Variants in NF1 observed in about 807,000 individuals in gnomAD.
NF1 encodes the protein neurofibromin.
A neutral mutation model predicts 325.7 loss-of-function variants in NF1; 122 were observed. The ratio of observed to expected loss-of-function variants is 0.37; its 90% CI spans 0.32 to 0.44. The LOEUF is 0.44. NF1 is among the 20% of genes least tolerant of loss of function. The probability of loss-of-function intolerance (pLI) is 1.00; values close to 1 mark genes in which losing one functional copy is unlikely to be tolerated. For missense variants in NF1, 2,140 were observed against 3,415.4 expected, an observed-to-expected ratio of 0.63 and a Z score of 9.31; for synonymous variants, 1,091 against 1,186.0, an observed-to-expected ratio of 0.92 and a Z score of 1.65.
chr17:31,275,204 C>T (rs948873141), intron 36 of NF1, among the ~76,000 whole-genome samples: 1 of 152,200 alleles, frequency 6.6e-6, no homozygotes, highest in African/African-American at 2.4e-5. Flanking sequence ...CCCTCTTATC[C>T]TAAGTTTCAC....
intron 8 of NF1, among the ~76,000 whole-genome samples, chr17:31,185,878 T>A (rs891303350): frequency 6.6e-6 from 1 of 152,164 alleles, no homozygotes; most frequent in Non-Finnish European, 1.5e-5. Context: ...CAGGCCCCCA[T>A]AGGTAAATCA....
intron 36 of NF1, chr17:31,318,357 C>A: frequency 6.2e-7 from 1 of 1,612,772 alleles, no homozygotes; most frequent in Non-Finnish European, 8.5e-7. Flanking sequence ...CTTTTCTTTC[C>A]CTTGTAGCTG....
chr17:31,233,661 A>G (rs2067152930), intron 27 of NF1, among the ~76,000 whole-genome samples: 1 of 152,192 alleles, frequency 6.6e-6, no homozygotes, highest in Non-Finnish European at 1.5e-5. Flanking sequence ...TATTTTAAAA[A>G]CTGAAAGCGT....
intron 36 of NF1, among the ~76,000 whole-genome samples, chr17:31,275,952 G>A (rs2151480156): frequency 6.6e-6 from 1 of 152,288 alleles, no homozygotes; most frequent in Middle Eastern, 3.4e-3. Context: ...GCTCATGCCT[G>A]TAATCCCAGC....
At chr17:31,313,215 G>C (rs1161396420) in intron 36 of NF1, among the ~76,000 whole-genome samples, 1 of 151,854 alleles carries the variant, frequency 6.6e-6, no homozygotes, top group Non-Finnish European at 1.5e-5. Flanking sequence ...CAAACTAAAG[G>C]GGATACAAAA....
chr17:31,274,161 G>C (rs1313596537), intron 36 of NF1, among the ~76,000 whole-genome samples: 1 of 152,120 alleles, frequency 6.6e-6, no homozygotes, highest in Non-Finnish European at 1.5e-5. Context: ...ATATGAAAGT[G>C]ATACTTTTTC....
intron 39 of NF1, among the ~76,000 whole-genome samples, chr17:31,333,292 C>G (rs2069553430): frequency 6.6e-6 from 1 of 152,006 alleles, no homozygotes; most frequent in African/African-American, 2.4e-5. Context: ...AGCATTTATC[C>G]TAAAGAATTA....
At chr17:31,201,678 C>A (rs921053705) in intron 11 of NF1, among the ~76,000 whole-genome samples, 193 bp downstream of exon 11, 5 of 151,966 alleles carry the variant, frequency 3.3e-5, no homozygotes, top group Non-Finnish European at 7.4e-5. Flanking sequence ...TAAGTCTTGA[C>A]CGAAGGGACC....
rs3058624 is a variant in NF1 at position 31,375,028 on chromosome 17, A to T, written c.*873A>T. 0.016 allele frequency: 2,764 copies of T among 171,464 alleles called. 38 individuals are homozygous for T. Among genetic ancestry groups the T allele is most frequent in the African/African-American group, 0.06 (1,810 of 30,212 alleles). 10.6% of individuals were successfully genotyped at this position (171,464 alleles called of 1,614,324 possible). A position where few individuals can be genotyped will look rare whatever the true frequency, so the allele number is the denominator to read the frequency against. On this transcript the variant is annotated 3_prime_UTR_variant, in exon 58 of 58. Transcript: ENST00000358273. Reference sequence around the variant, plus strand: ...GTATAGTAATTATATATATATATATATTTTTTCCCCTCCCCCTCTTCTTTC... The same window carrying T: ...GTATAGTAATTATATATATATATATTTTTTTTCCCCTCCCCCTCTTCTTTC...
chr17:31,211,243 T>TAATG (rs1018702237), intron 12 of NF1, among the ~76,000 whole-genome samples: 29 of 152,350 alleles, frequency 1.9e-4, no homozygotes, highest in African/African-American at 7.0e-4. Context: ...GAAGATCAAC[T>TAATG]AATGAATGAA....
chr17:31,338,816 T>C lies in NF1; in HGVS notation c.6921+11T>C, dbSNP rs2151559465. Reference sequence around the variant, plus strand: ...CCACTTCTTAATAAGGTAATTACTGTATAGAAAATGAGTGCATTCATTTTG... The same window carrying C: ...CCACTTCTTAATAAGGTAATTACTGCATAGAAAATGAGTGCATTCATTTTG... On this transcript the variant is annotated intron_variant, in intron 46 of 57. Coordinates refer to ENST00000358273, the MANE Select transcript of NF1 (RefSeq NM_001042492.3). The C allele has an allele frequency of 6.5e-7, 1 of 1,544,816 alleles. No homozygotes were observed. Among genetic ancestry groups the C allele is most frequent in the Non-Finnish European group, 9.0e-7 (1 of 1,117,052 alleles).
intron 29 of NF1, 49 bp downstream of exon 29, chr17:31,236,070 T>A: frequency 7.2e-7 from 1 of 1,390,012 alleles, no homozygotes. Context: ...TTTTTTTTTT[T>A]GTTTGTTTGT....
At chr17:31,330,601 T>C (rs971074929) in intron 39 of NF1, 103 bp downstream of exon 39, 2 of 910,634 alleles carry the variant, frequency 2.2e-6, no homozygotes, top group African/African-American at 3.4e-5. Context: ...CACTTACATT[T>C]TTACTTTTTT....
intron 25 of NF1, 131 bp from the exon 26 acceptor site, chr17:31,232,569 C>T (rs1375073845): frequency 9.2e-6 from 8 of 866,104 alleles, no homozygotes; most frequent in Middle Eastern, 3.1e-4. Flanking sequence ...GGCTGATTAT[C>T]GCGAGAGAGG....
At chr17:31,157,276 A>G (rs2065681190) in intron 2 of NF1, among the ~76,000 whole-genome samples, 1 of 152,170 alleles carries the variant, frequency 6.6e-6, no homozygotes, top group Admixed American at 6.5e-5. Flanking sequence ...GGTGTGAGCC[A>G]CCGCGCCCAG....
rs182709912 is a variant in NF1, at chr17:31,336,481, C to T, written c.6147+8C>T. 1.2e-5 allele frequency: 20 copies of T among 1,613,804 alleles called. No individual in the cohort carries two copies. In the African/African-American group the frequency reaches 2.4e-4, roughly 19 times the overall value. On this transcript the variant is annotated splice_region_variant and intron_variant, in intron 41 of 57. Transcript: ENST00000358273. This position sits in a 1 kb window ranked among gnomAD's most constrained non-coding sequence, Gnocchi z 5.5. ...AAATTGGTTTCAAGCAAGGTAATCA[C>T]TTTTCTTTTGCCTTCTGTACTATAG... is the stretch of plus-strand genomic sequence containing the variant.
chr17:31,155,884 G>T, intron 1 of NF1, 99 bp from the exon 2 acceptor site: 1 of 1,412,074 alleles, frequency 7.1e-7, no homozygotes. Context: ...GGTTGATGCA[G>T]TTTTCCTAAA....
chr17:31,206,198 A>G (rs2143912794), intron 11 of NF1, 42 bp from the exon 12 acceptor site: 1 of 1,611,342 alleles, frequency 6.2e-7, no homozygotes. Flanking sequence ...AACTCACGTA[A>G]TTTTGTACTT....
chr17:31,113,294 A>G (rs961575747), intron 1 of NF1, among the ~76,000 whole-genome samples: 1 of 151,998 alleles, frequency 6.6e-6, no homozygotes, highest in Non-Finnish European at 1.5e-5. Flanking sequence ...TTTCTTTTTA[A>G]AGACAGGGTC....
Sources: gnomAD v4.1 joint callset for allele counts (sites outside exome capture counted in the v4.1 genomes callset) on GRCh38, gnomAD v4.1.1 for gene constraint, Gnocchi (gnomAD v3.1) non-coding constraint, MANE v1.5 for transcripts, NCBI Gene and HGNC (gene_info 2026-07-23, HGNC 2026-07-21) for gene names.